The following SPHKAP variants were observed in gnomAD, a reference collection of about 807,000 sequenced individuals.
SPHKAP encodes the protein SPHK1 interactor, AKAP domain containing.
A neutral mutation model predicts 137.5 loss-of-function variants in SPHKAP; 67 were observed. The observed-to-expected ratio is 0.49, with a 90% CI of 0.40 to 0.60. SPHKAP has a LOEUF of 0.60. Among genes scored for constraint, SPHKAP ranks in the 20% least tolerant of loss-of-function variants. The pLI, the probability that SPHKAP is intolerant of heterozygous loss-of-function variation, is 0.00. For missense variants in SPHKAP, 2,097 were observed against 2,069.3 expected (o/e 1.01, Z -0.26); for synonymous variants, 813 against 785.3 (o/e 1.04, Z -0.59).
chr2:228,181,666 C>A lies in SPHKAP; in HGVS notation c.-68G>T. 1.2e-6 allele frequency: 2 copies of A among 1,613,888 alleles called. No homozygotes were observed. Among genetic ancestry groups the A allele is most frequent in the Non-Finnish European group, 1.7e-6 (2 of 1,179,902 alleles). On this transcript the variant is annotated 5_prime_UTR_variant, in exon 1 of 12. Coordinates refer to ENST00000392056, the MANE Select transcript of SPHKAP (RefSeq NM_001142644.2). The surrounding 1 kb of genome is among the most constrained non-coding windows in gnomAD (Gnocchi z 4.3). ...AAGGATAAGTCTGTGGTGCTAGGAC[C>A]CAGCTCCCAGAGTGCCAGACTGGCG...
rs1698334536 is a variant in SPHKAP, at chr2:228,106,002, C to T, written c.246+2830G>A. 2.6e-5 allele frequency among the ~76,000 whole-genome samples: 4 copies of T among 152,180 alleles called. No individual in the cohort carries two copies. The South Asian group carries it at 8.3e-4, about 32-fold the overall frequency. Reference sequence around the variant, plus strand: ...TTCCTGGATAGCGGTTCCTGTTCCGCATGCCTATCATATTTCTAGCTGCTC... The same window carrying T: ...TTCCTGGATAGCGGTTCCTGTTCCGTATGCCTATCATATTTCTAGCTGCTC... On this transcript the variant is annotated intron_variant, in intron 3 of 11. Transcript: ENST00000392056.
chr2:228,070,936 T>G (rs1306665723), intron 3 of SPHKAP, among the ~76,000 whole-genome samples: 1 of 152,100 alleles, frequency 6.6e-6, no homozygotes. Context: ...GTTGAACTCA[T>G]GGGGTTCTGG....
intron 3 of SPHKAP, among the ~76,000 whole-genome samples, chr2:228,099,828 G>A (rs887982179): frequency 2.7e-5 from 4 of 149,384 alleles, no homozygotes; most frequent in African/African-American, 9.9e-5. Context: ...TATTATTGGT[G>A]TACAGAAATG....
intron 3 of SPHKAP, among the ~76,000 whole-genome samples, chr2:228,036,703 A>G (rs1186572698): frequency 2.0e-5 from 3 of 152,200 alleles, no homozygotes; most frequent in Non-Finnish European, 2.9e-5. Flanking sequence ...CTATGCAGCC[A>G]TAAAAAATGA....
chr2:227,988,053 C>T lies in SPHKAP; in HGVS notation c.4959+2947G>A, dbSNP rs567712724. On this transcript the variant is annotated intron_variant, in intron 11 of 11. Transcript: ENST00000392056. ...CGTATGACACAGCCTCCATGGAAGA[C>T]GAGCTCTCTTTCGTACACCACTTGA... Among the ~76,000 whole-genome samples, 15 of 152,244 alleles carry T rather than the reference C, an allele frequency of 9.9e-5. No homozygotes were observed. The South Asian group carries it at 2.1e-3, about 21-fold the overall frequency.
chr2:228,034,383 A>G (rs1193924097), intron 3 of SPHKAP, among the ~76,000 whole-genome samples: 1 of 152,204 alleles, frequency 6.6e-6, no homozygotes, highest in Non-Finnish European at 1.5e-5. Context: ...TTGTGGCAAT[A>G]ATCAATAGCT....
chr2:228,108,829 T>C lies in SPHKAP; in HGVS notation c.246+3A>G, dbSNP rs1485266592. 1.2e-6 allele frequency: 2 copies of C among 1,603,120 alleles called. No homozygotes were observed. The highest frequency in any genetic ancestry group is 1.7e-6 in the Non-Finnish European group (2 of 1,175,346). ...CAACATCCCAAGAATTCTGTGTACT[T>C]ACAGAAGCACAGTTTTCAGACTTGT... On this transcript the variant is annotated splice_donor_region_variant and intron_variant, in intron 3 of 11. Transcript: ENST00000392056.
intron 1 of SPHKAP, among the ~76,000 whole-genome samples, chr2:228,164,406 T>G (rs1303801447): frequency 6.6e-6 from 1 of 152,222 alleles, no homozygotes; most frequent in Non-Finnish European, 1.5e-5. Flanking sequence ...CTCCCTTTCA[T>G]GTATACATAT....
intron 3 of SPHKAP, among the ~76,000 whole-genome samples, chr2:228,079,392 C>T (rs183924587): frequency 5.6e-4 from 85 of 152,302 alleles, no homozygotes; most frequent in Non-Finnish European, 1.0e-3. Context: ...GGATCCCTGG[C>T]CCACAGCACT....
At chr2:228,133,772 A>T (rs1484579024) in intron 1 of SPHKAP, among the ~76,000 whole-genome samples, 5 of 152,226 alleles carry the variant, frequency 3.3e-5, no homozygotes, top group Non-Finnish European at 7.3e-5. Flanking sequence ...ATTAGCCATA[A>T]GTCACACAGG....
rs186773989 is a variant in SPHKAP, at chr2:228,107,099, A to T, written c.246+1733T>A. On this transcript the variant is annotated intron_variant, in intron 3 of 11. Coordinates refer to ENST00000392056, the MANE Select transcript of SPHKAP (RefSeq NM_001142644.2). ...TTTTTTTTTGGCTGAGAACACTTAA[A>T]ATCCATTCTTTTGGCATTTTTCAAG... Among the ~76,000 whole-genome samples, 235 of 152,208 alleles carry T rather than the reference A, an allele frequency of 1.5e-3. 1 individual carries two copies. Among genetic ancestry groups the T allele is most frequent in the African/African-American group, 5.3e-3 (221 of 41,546 alleles).
intron 3 of SPHKAP, among the ~76,000 whole-genome samples, chr2:228,058,081 G>T (rs1413243389): frequency 6.6e-6 from 1 of 152,146 alleles, no homozygotes; most frequent in African/African-American, 2.4e-5. Flanking sequence ...TGCTGAGATA[G>T]GACTACATTT....
intron 1 of SPHKAP, among the ~76,000 whole-genome samples, chr2:228,144,056 C>G (rs750328374): frequency 2.4e-4 from 37 of 152,066 alleles, no homozygotes; most frequent in Non-Finnish European, 5.1e-4. Context: ...GCTGGAAATG[C>G]TCCGTGCGTT....
At chr2:228,105,585 A>G (rs1211597068) in intron 3 of SPHKAP, among the ~76,000 whole-genome samples, 1 of 152,184 alleles carries the variant, frequency 6.6e-6, no homozygotes, top group Non-Finnish European at 1.5e-5. Flanking sequence ...GTGTGTCCCC[A>G]CCAAAATCTC....
At chr2:228,084,173 C>A (rs1697464529) in intron 3 of SPHKAP, among the ~76,000 whole-genome samples, 1 of 151,586 alleles carries the variant, frequency 6.6e-6, no homozygotes, top group Non-Finnish European at 1.5e-5. Flanking sequence ...GTTTAAAAAA[C>A]CTTCTGTCAT....
intron 1 of SPHKAP, among the ~76,000 whole-genome samples, chr2:228,162,898 C>G (rs759155850): frequency 6.6e-6 from 1 of 152,216 alleles, no homozygotes; most frequent in African/African-American, 2.4e-5. Flanking sequence ...GGGGTTTCAC[C>G]ATGTTGGTCA....
chr2:228,036,280 A>G (rs544297802), intron 3 of SPHKAP, among the ~76,000 whole-genome samples: 1 of 152,298 alleles, frequency 6.6e-6, no homozygotes, highest in African/African-American at 2.4e-5. Context: ...ACACATGAAA[A>G]AATGCTCCTC....
intron 3 of SPHKAP, among the ~76,000 whole-genome samples, chr2:228,086,971 A>G (rs1212370382): frequency 6.6e-6 from 1 of 152,202 alleles, no homozygotes; most frequent in Non-Finnish European, 1.5e-5. Flanking sequence ...GCTGAAATTT[A>G]ATTGGATCAG....
intron 7 of SPHKAP, among the ~76,000 whole-genome samples, chr2:228,011,426 G>A (rs1411795398): frequency 6.6e-6 from 1 of 152,302 alleles, no homozygotes; most frequent in East Asian, 1.9e-4. Flanking sequence ...ACTGGTAGAT[G>A]CCCTCAAGGG....
Sources: gnomAD v4.1 joint callset for allele counts (sites outside exome capture counted in the v4.1 genomes callset) on GRCh38, gnomAD v4.1.1 for gene constraint, Gnocchi (gnomAD v3.1) non-coding constraint, MANE v1.5 for transcripts, NCBI Gene and HGNC (gene_info 2026-07-23, HGNC 2026-07-21) for gene names.